The following USH2A variants were observed in gnomAD, a reference collection of about 807,000 sequenced individuals.
USH2A encodes Usher syndrome 2A (autosomal recessive, mild).
USH2A carries 443 observed loss-of-function variants against 538.9 expected under a neutral mutation model. That is an observed-to-expected ratio of 0.82 (90% CI 0.76 to 0.89). The LOEUF (loss-of-function observed/expected upper bound fraction) is 0.89. Among genes scored for constraint, USH2A ranks in the 40% least tolerant of loss-of-function variants. The pLI is 0.00. For synonymous variants in USH2A, 2,413 were observed against 2,273.5 expected (o/e 1.06, Z -1.75); for missense variants, 6,633 against 6,324.8 (o/e 1.05, Z -1.65).
chr1:216,270,822 G>A (rs558668346), intron 11 of USH2A, among the ~76,000 whole-genome samples: 6 of 151,590 alleles, frequency 4.0e-5, no homozygotes, highest in Non-Finnish European at 5.9e-5. Flanking sequence ...CAGTCCTCTC[G>A]CCTCAGCCTC....
intron 4 of USH2A, among the ~76,000 whole-genome samples, chr1:216,363,606 TATATAA>T (rs1351033134): frequency 1.3e-5 from 2 of 152,078 alleles, no homozygotes; most frequent in African/African-American, 2.4e-5. Flanking sequence ...TAGACACAGA[TATATAA>T]ATATATGTGG....
Position 215,638,664 on chromosome 1 carries a change from A to G in USH2A, c.15052+491T>C, listed in dbSNP as rs117336799. 6.8e-4 allele frequency among the ~76,000 whole-genome samples: 101 copies of G among 149,234 alleles called. No individual in the cohort carries two copies. In the East Asian group the frequency reaches 0.019, roughly 28 times the overall value. On this transcript the variant is annotated intron_variant, in intron 69 of 71. Coordinates refer to ENST00000307340, the MANE Select transcript of USH2A (RefSeq NM_206933.4). ...AGTGTATTGTAACTCCTTGCCTGAT[A>G]TAAGTTCCATGAGGACTTTTTAAAA...
chr1:216,123,758 A>G (rs1029034395), intron 21 of USH2A, among the ~76,000 whole-genome samples: 12 of 152,344 alleles, frequency 7.9e-5, no homozygotes, highest in African/African-American at 2.9e-4. Flanking sequence ...AGAAATGTGT[A>G]TAATATATAT....
chr1:216,213,084 T>G, intron 15 of USH2A, among the ~76,000 whole-genome samples: 1 of 152,130 alleles, frequency 6.6e-6, no homozygotes, highest in East Asian at 1.9e-4. Context: ...AGTCTTCATC[T>G]CCTTGGTTAA....
chr1:216,086,138 T>C (rs759192477), intron 24 of USH2A, among the ~76,000 whole-genome samples: 2 of 152,124 alleles, frequency 1.3e-5, no homozygotes, highest in African/African-American at 4.8e-5. Context: ...ATTAGTTTCA[T>C]TTTAGAATAT....
intron 54 of USH2A, 87 bp from the exon 55 acceptor site, chr1:215,780,128 G>T: frequency 2.0e-6 from 3 of 1,469,268 alleles, no homozygotes; most frequent in Non-Finnish European, 2.8e-6. Context: ...GTTTTAAAAT[G>T]TTGTCTGGCC....
intron 37 of USH2A, among the ~76,000 whole-genome samples, chr1:215,943,501 A>G (rs1328625444): frequency 6.6e-6 from 1 of 152,170 alleles, no homozygotes; most frequent in African/African-American, 2.4e-5. Context: ...AGAAATGATT[A>G]GAAACATAAC....
chr1:216,207,677 A>C (rs2102481423), intron 15 of USH2A, among the ~76,000 whole-genome samples: 1 of 151,596 alleles, frequency 6.6e-6, no homozygotes, highest in African/African-American at 2.4e-5. Flanking sequence ...GGGGTAAAAA[A>C]CCACCATAGT....
intron 70 of USH2A, chr1:215,630,396 G>A: frequency 5.0e-6 from 2 of 396,728 alleles, no homozygotes; most frequent in East Asian, 7.2e-5. Context: ...ATACATACCT[G>A]CATATGTATA....
chr1:215,795,324 C>T (rs1231255117), intron 50 of USH2A, among the ~76,000 whole-genome samples: 1 of 152,160 alleles, frequency 6.6e-6, no homozygotes, highest in Non-Finnish European at 1.5e-5. Flanking sequence ...CCTTCATTAC[C>T]TTGACTGGAG....
intron 11 of USH2A, among the ~76,000 whole-genome samples, chr1:216,256,007 G>T (rs1192664562): frequency 5.9e-5 from 9 of 151,798 alleles, no homozygotes. Context: ...ATTTTATCTT[G>T]GACAAAATTT....
At chr1:216,310,816 A>G (rs2037406262) in intron 9 of USH2A, among the ~76,000 whole-genome samples, 1 of 152,136 alleles carries the variant, frequency 6.6e-6, no homozygotes, top group South Asian at 2.1e-4. Context: ...CTTACATATT[A>G]CTGTCTTGTT....
chr1:216,258,700 A>C (rs777753640), intron 11 of USH2A, among the ~76,000 whole-genome samples: 1 of 152,132 alleles, frequency 6.6e-6, no homozygotes, highest in Non-Finnish European at 1.5e-5. Flanking sequence ...TTTCTCAGCA[A>C]ACATTGTCCT....
intron 21 of USH2A, among the ~76,000 whole-genome samples, chr1:216,169,274 G>A (rs1250329109): frequency 6.6e-6 from 1 of 152,036 alleles, no homozygotes; most frequent in Non-Finnish European, 1.5e-5. Context: ...ACTGCTAACA[G>A]CTAACAAAAA....
chr1:216,167,875 C>A (rs906867728), intron 21 of USH2A, among the ~76,000 whole-genome samples: 1 of 152,036 alleles, frequency 6.6e-6, no homozygotes, highest in Admixed American at 6.6e-5. Context: ...AATTTGCCGC[C>A]AGTAACATTA....
intron 8 of USH2A, among the ~76,000 whole-genome samples, chr1:216,322,691 T>A (rs1293232313): frequency 2.6e-5 from 4 of 152,104 alleles, no homozygotes; most frequent in Non-Finnish European, 5.9e-5. Flanking sequence ...TTTTTTATTT[T>A]TTTTTCCAAA....
chr1:216,198,652 G>A, intron 17 of USH2A, 68 bp from the exon 18 acceptor site: 1 of 1,450,518 alleles, frequency 6.9e-7, no homozygotes. Flanking sequence ...GGTAGGGTAG[G>A]GACAGGTCAG....
rs778162193 is a variant in USH2A at position 215,671,005 on chromosome 1, G to C, written c.14100C>G (p.Ser4700=). Residue 4700 remains serine (S), a synonymous_variant, in exon 64 of 72, where the codon TCC becomes TCG. Transcript: ENST00000307340. ...CATACTCTGTGAAAGGCAATAGTTC[G>C]GAATCTATAAAAGATGTTGAGCTTC... ...YNGSSTSFID[S]ELLPFTEYEY... 3 of 1,613,956 alleles carry C rather than the reference G, an allele frequency of 1.9e-6. No homozygotes were observed. Among genetic ancestry groups the C allele is most frequent in the Non-Finnish European group, 2.5e-6 (3 of 1,180,012 alleles).
chr1:216,378,265 G>C (rs2038872918), intron 3 of USH2A, among the ~76,000 whole-genome samples: 1 of 152,116 alleles, frequency 6.6e-6, no homozygotes, highest in South Asian at 2.1e-4. Context: ...TTTTTTAAAA[G>C]TGTAACGCTC....
Sources: gnomAD v4.1 joint callset for allele counts (sites outside exome capture counted in the v4.1 genomes callset) on GRCh38, gnomAD v4.1.1 for gene constraint, MANE v1.5 for transcripts, NCBI Gene and HGNC (gene_info 2026-07-23, HGNC 2026-07-21) for gene names.